Variants in ADRA1A observed in about 807,000 individuals in gnomAD.
The protein encoded by ADRA1A is alpha-1A adrenergic receptor.
Under a neutral mutation model 29.6 loss-of-function variants are expected in ADRA1A, and 31 were observed. That is an observed-to-expected ratio of 1.05 (90% CI 0.79 to 1.41). The LOEUF (loss-of-function observed/expected upper bound fraction) is 1.41, where lower values mean the gene tolerates loss of function less well. Among genes scored for constraint, ADRA1A ranks in the 40% most tolerant of loss-of-function variants. The pLI is 0.00. For missense variants in ADRA1A, 619 were observed against 601.1 expected, an observed-to-expected ratio of 1.03 and a Z score of -0.31; for synonymous variants, 311 against 254.3, an observed-to-expected ratio of 1.22 and a Z score of -2.12.
intron 2 of ADRA1A, among the ~76,000 whole-genome samples, chr8:26,803,343 C>T (rs1303472819): frequency 6.6e-6 from 1 of 151,904 alleles, no homozygotes; most frequent in South Asian, 2.1e-4. Flanking sequence ...GTCATGTACT[C>T]CATAAATGTA....
At chr8:26,867,284 G>A (rs1228525412), upstream of ADRA1A, 3 of 985,322 alleles carry the variant, frequency 3.0e-6, no homozygotes, top group Non-Finnish European at 2.4e-6. Context: ...AACTCAGGCA[G>A]TAGCCCAGCT....
chr8:26,863,775 A>G (rs902860123), intron 2 of ADRA1A, among the ~76,000 whole-genome samples: 1 of 152,218 alleles, frequency 6.6e-6, no homozygotes, highest in African/African-American at 2.4e-5. Flanking sequence ...GAGCAGATGC[A>G]TTTAAATTGA....
At chr8:26,784,542 A>G (rs1172848415) in intron 2 of ADRA1A, among the ~76,000 whole-genome samples, 1 of 152,218 alleles carries the variant, frequency 6.6e-6, no homozygotes, top group African/African-American at 2.4e-5. Flanking sequence ...TCACTCACAG[A>G]AAAATGTTCA....
rs1360289871 is a variant in ADRA1A, at chr8:26,794,007, C to A, written c.884-23341G>T. 2.3e-4 allele frequency among the ~76,000 whole-genome samples: 35 copies of A among 151,960 alleles called. 1 individual carries two copies. ...CAACCCACTGTCACCACAAAACAAA[C>A]AATCCCACAGACTTGTATCATTTAG... On this transcript the variant is annotated intron_variant, in intron 2 of 2. Transcript: ENST00000380573.
downstream of ADRA1A, among the ~76,000 whole-genome samples, chr8:26,762,038 G>A (rs1488576327): frequency 6.6e-6 from 1 of 152,096 alleles, no homozygotes; most frequent in African/African-American, 2.4e-5. This position sits in a 1 kb window ranked among gnomAD's most constrained non-coding sequence, Gnocchi z 4.0. Flanking sequence ...AGGCCTTGAA[G>A]ACCCTCAGGC....
chr8:26,803,919 C>CTTTTTTTTTTTTTTTTTTTTTTTTTTT (rs34314160), intron 2 of ADRA1A, among the ~76,000 whole-genome samples: 2 of 95,246 alleles, frequency 2.1e-5, no homozygotes, highest in African/African-American at 4.4e-5. Context: ...TGGAAGTTTC[C>CTTTTTTTTTTTTTTTTTTTTTTTTTTT]TTTTTTTTTT....
chr8:26,824,575 G>A (rs930851425), intron 2 of ADRA1A, among the ~76,000 whole-genome samples: 7 of 152,024 alleles, frequency 4.6e-5, no homozygotes, highest in African/African-American at 1.4e-4. Context: ...CTGTTCAATC[G>A]AGTGCTCTTC....
At chr8:26,855,692 C>T (rs1190684315) in intron 2 of ADRA1A, among the ~76,000 whole-genome samples, 4 of 151,988 alleles carry the variant, frequency 2.6e-5, no homozygotes, top group Non-Finnish European at 4.4e-5. Flanking sequence ...CACATGTACA[C>T]CTATGTAACA....
intron 2 of ADRA1A, among the ~76,000 whole-genome samples, chr8:26,858,519 A>G (rs541240513): frequency 6.6e-6 from 1 of 152,336 alleles, no homozygotes; most frequent in Admixed American, 6.5e-5. Context: ...TGTTATATGA[A>G]AAAGAAAGCC....
intron 2 of ADRA1A, among the ~76,000 whole-genome samples, chr8:26,776,572 C>A (rs552499157): frequency 1.3e-5 from 2 of 152,324 alleles, no homozygotes; most frequent in Admixed American, 6.5e-5. Flanking sequence ...CTCGGCTCCA[C>A]CTCACCCATT....
At chr8:26,779,614 A>T (rs771665996) in intron 2 of ADRA1A, among the ~76,000 whole-genome samples, 4 of 152,080 alleles carry the variant, frequency 2.6e-5, no homozygotes, top group Non-Finnish European at 5.9e-5. Context: ...GAAGAGGGGA[A>T]ACTGAGGTTT....
Position 26,796,348 on chromosome 8 carries a change from A to G in ADRA1A, c.884-25682T>C, listed in dbSNP as rs1808193434. 6.6e-6 allele frequency among the ~76,000 whole-genome samples: 1 copy of G among 152,236 alleles called. No individual in the cohort carries two copies. Among genetic ancestry groups the G allele is most frequent in the Non-Finnish European group, 1.5e-5 (1 of 68,038 alleles). ...CTAAAAAATAACTCACTGATTACCT[A>G]CAACATTTCGCTACCTTCATCTGCA... is the stretch of plus-strand genomic sequence containing the variant. On this transcript the variant is annotated intron_variant, in intron 2 of 2. Coordinates refer to ENST00000380573, the MANE Select transcript of ADRA1A (RefSeq NM_000680.4). This position sits in a 1 kb window ranked among gnomAD's most constrained non-coding sequence, Gnocchi z 5.0.
At chr8:26,829,507 G>A (rs1029549490) in intron 2 of ADRA1A, among the ~76,000 whole-genome samples, 1 of 152,062 alleles carries the variant, frequency 6.6e-6, no homozygotes, top group Non-Finnish European at 1.5e-5. Context: ...CTTAAAATTA[G>A]ATTATAAATT....
At chr8:26,839,788 G>A (rs997218606) in intron 2 of ADRA1A, among the ~76,000 whole-genome samples, 1 of 152,114 alleles carries the variant, frequency 6.6e-6, no homozygotes, top group East Asian at 1.9e-4. Flanking sequence ...AGCAGGTCTT[G>A]GGGTGGGATG....
intron 2 of ADRA1A, among the ~76,000 whole-genome samples, chr8:26,797,711 ATAATTT>A (rs1454316479): frequency 6.6e-6 from 1 of 152,188 alleles, no homozygotes; most frequent in Non-Finnish European, 1.5e-5. Context: ...AATGTCCTAT[ATAATTT>A]TAAGAGTGTA....
In ADRA1A at chr8:26,867,147, A is replaced by T. The variant is rs1813958138; in HGVS notation, c.-898T>A. On this transcript the variant is annotated 5_prime_UTR_variant, in exon 1 of 3. Coordinates refer to ENST00000380573, the MANE Select transcript of ADRA1A (RefSeq NM_000680.4). ...CGCTGTCACTTTACCTGCATTTTTT[A>T]AAAAGAGTCAAAATAAGAAAAGAAA... 4.1e-6 allele frequency: 4 copies of T among 985,278 alleles called. No homozygotes were observed. The highest frequency in any genetic ancestry group is 4.8e-6 in the Non-Finnish European group (4 of 829,836). 61.0% of individuals were successfully genotyped at this position (985,278 alleles called of 1,614,324 possible).
At chr8:26,768,750 A>T (rs61759738), downstream of ADRA1A, 1,495 of 343,028 alleles carry the variant, frequency 4.4e-3, 26 homozygotes, top group African/African-American at 0.032. Flanking sequence ...AATTTGAAAA[A>T]ATCTGTAATC....
intron 2 of ADRA1A, among the ~76,000 whole-genome samples, chr8:26,807,807 C>T (rs2130520189): frequency 6.6e-6 from 1 of 152,168 alleles, no homozygotes; most frequent in South Asian, 2.1e-4. Context: ...AAGAGACACA[C>T]CAAAGAGGCC....
At chr8:26,847,238 GAAACA>G (rs903397043) in intron 2 of ADRA1A, among the ~76,000 whole-genome samples, 23 of 150,692 alleles carry the variant, frequency 1.5e-4, no homozygotes, top group Admixed American at 1.5e-3. Flanking sequence ...ATAAAAAAAA[GAAACA>G]AAACAAAAGA....
Sources: allele counts gnomAD v4.1 joint callset (sites outside exome capture counted in the v4.1 genomes callset), GRCh38; gene constraint gnomAD v4.1.1; non-coding constraint Gnocchi (gnomAD v3.1); transcripts MANE v1.5; gene names NCBI Gene and HGNC (gene_info 2026-07-23, HGNC 2026-07-21).